The following SLC14A2 variants were observed in gnomAD, a reference collection of about 807,000 sequenced individuals.
SLC14A2 encodes the protein solute carrier family 14 member 2.
In SLC14A2, 91 loss-of-function variants were observed where a neutral mutation model predicts 104.6. The ratio of observed to expected loss-of-function variants is 0.87; its 90% CI spans 0.73 to 1.04. The LOEUF (loss-of-function observed/expected upper bound fraction) is 1.04. Ranked by LOEUF, SLC14A2 falls within the 50% of genes least tolerant of loss-of-function variation. The pLI is 0.00. For synonymous variants in SLC14A2, 476 were observed against 466.4 expected (o/e 1.02, Z -0.27); for missense variants, 1,189 against 1,156.0 (o/e 1.03, Z -0.41).
intron 2 of SLC14A2, among the ~76,000 whole-genome samples, chr18:45,598,839 A>G (rs1386844197): frequency 6.6e-6 from 1 of 152,218 alleles, no homozygotes; most frequent in Non-Finnish European, 1.5e-5. Flanking sequence ...AGCTGCCTTC[A>G]GGCAATAATT....
chr18:45,384,800 G>T (rs936061744), intron 1 of SLC14A2, among the ~76,000 whole-genome samples: 1 of 152,208 alleles, frequency 6.6e-6, no homozygotes, highest in African/African-American at 2.4e-5. Context: ...ATTGTTGTGG[G>T]GAGATGGGAA....
At position 45,282,864 on chromosome 18, in the gene SLC14A2, A is replaced by G. The variant is rs186015085; in HGVS notation, c.-125+69673A>G. ...TTTCTTCTCTTCCTTCTTTCCTTGTATCTTTCTCATTAACTTGTGCATTTG... is the reference window on the plus strand; with the variant it reads ...TTTCTTCTCTTCCTTCTTTCCTTGTGTCTTTCTCATTAACTTGTGCATTTG... On this transcript the variant is annotated intron_variant, in intron 1 of 20. Transcript: ENST00000586448. 7.2e-3 allele frequency among the ~76,000 whole-genome samples: 777 copies of G among 108,394 alleles called. 3 individuals are homozygous for G. Among genetic ancestry groups the G allele is most frequent in the South Asian group, 0.03 (100 of 3,304 alleles). 71.1% of individuals were successfully genotyped at this position (108,394 alleles called of 152,430 possible).
intron 2 of SLC14A2, among the ~76,000 whole-genome samples, chr18:45,608,340 C>T (rs9807568): frequency 0.68 from 103,331 of 152,154 alleles, 35,630 homozygotes; most frequent in East Asian, 0.85. Flanking sequence ...TGTTGATACC[C>T]ACTATATACA....
intron 2 of SLC14A2, among the ~76,000 whole-genome samples, chr18:45,506,219 C>G (rs1047214503): frequency 6.6e-6 from 1 of 152,250 alleles, no homozygotes; most frequent in East Asian, 1.9e-4. Context: ...CTCCCACTAG[C>G]CTTTGAGACC....
At chr18:45,590,896 CTTGCAGATGA>C (rs1316923611) in intron 2 of SLC14A2, among the ~76,000 whole-genome samples, 1 of 152,262 alleles carries the variant, frequency 6.6e-6, no homozygotes, top group Non-Finnish European at 1.5e-5. Context: ...TTATCCCCAT[CTTGCAGATGA>C]CAAAATTGAG....
intron 1 of SLC14A2, among the ~76,000 whole-genome samples, chr18:45,383,280 G>A (rs572580074): frequency 6.6e-5 from 10 of 152,268 alleles, no homozygotes; most frequent in South Asian, 2.1e-4. Flanking sequence ...TCAGTGATGC[G>A]CAGAAAATGG....
chr18:45,639,711 A>C, intron 6 of SLC14A2, 35 bp from the exon 7 acceptor site: 1 of 1,608,042 alleles, frequency 6.2e-7, no homozygotes, highest in Non-Finnish European at 8.5e-7. Context: ...ATTATTGTCC[A>C]TGCTCCAGTG....
At chr18:45,270,654 A>T (rs74524757) in intron 1 of SLC14A2, among the ~76,000 whole-genome samples, 1,988 of 152,284 alleles carry the variant, frequency 0.013, 47 homozygotes, top group African/African-American at 0.045. Flanking sequence ...GATCTCTATC[A>T]TAACAATAAC....
chr18:45,613,560 T>A (rs1018150925), upstream of SLC14A2, among the ~76,000 whole-genome samples: 21 of 152,298 alleles, frequency 1.4e-4, no homozygotes, highest in African/African-American at 4.6e-4. Context: ...ATATGAACAG[T>A]GAAGTCCAGG....
At chr18:45,425,865 T>A (rs1490381792) in intron 1 of SLC14A2, among the ~76,000 whole-genome samples, 1 of 151,126 alleles carries the variant, frequency 6.6e-6, no homozygotes, top group Non-Finnish European at 1.5e-5. Flanking sequence ...TCCTAGGGTA[T>A]TTTTTTTTAA....
intron 1 of SLC14A2, among the ~76,000 whole-genome samples, chr18:45,388,040 G>A (rs2085917878): frequency 1.4e-5 from 2 of 145,568 alleles, no homozygotes; most frequent in East Asian, 2.0e-4. Context: ...GTCCTGGATT[G>A]CCCTAAGCTC....
chr18:45,656,777 T>C (rs1458143606), intron 10 of SLC14A2, among the ~76,000 whole-genome samples: 3 of 152,156 alleles, frequency 2.0e-5, no homozygotes, highest in Non-Finnish European at 4.4e-5. Flanking sequence ...GTCTTCCCCA[T>C]GGAATAAGCC....
intron 1 of SLC14A2, among the ~76,000 whole-genome samples, chr18:45,463,826 G>T (rs1430476503): frequency 6.6e-6 from 1 of 152,156 alleles, no homozygotes; most frequent in South Asian, 2.1e-4. Flanking sequence ...CTTGGCAAAA[G>T]GCTCGTTGAA....
the SLC14A2 span, among the ~76,000 whole-genome samples, chr18:45,198,511 C>T: frequency 2.0e-5 from 3 of 152,100 alleles, no homozygotes; most frequent in African/African-American, 7.2e-5. Flanking sequence ...CTGTAGCTTG[C>T]TTCCCCCATG....
At chr18:45,327,812 A>T (rs1316420192) in intron 1 of SLC14A2, among the ~76,000 whole-genome samples, 1 of 152,138 alleles carries the variant, frequency 6.6e-6, no homozygotes, top group Non-Finnish European at 1.5e-5. Flanking sequence ...GGTGTGATGT[A>T]TATTTACCTA....
rs181187152 is a variant in SLC14A2 at position 45,523,335 on chromosome 18, G to A, written c.-35+40013G>A. On this transcript the variant is annotated intron_variant, in intron 2 of 20. Coordinates refer to the SLC14A2 transcript ENST00000586448. Reference sequence around the variant, plus strand: ...CACCAGGTTTTTTTTTTGTTTCTTTGTTTGTTTGTTTTGAGATGGAATCTC... The same window carrying A: ...CACCAGGTTTTTTTTTTGTTTCTTTATTTGTTTGTTTTGAGATGGAATCTC... Among the ~76,000 whole-genome samples, 124 of 150,788 alleles carry A rather than the reference G, an allele frequency of 8.2e-4. 1 individual carries two copies. The highest frequency in any genetic ancestry group is 2.9e-3 in the African/African-American group (117 of 41,048).
At chr18:45,455,699 G>C (rs1350955098) in intron 1 of SLC14A2, among the ~76,000 whole-genome samples, 3 of 152,024 alleles carry the variant, frequency 2.0e-5, no homozygotes, top group Non-Finnish European at 4.4e-5. Flanking sequence ...TGCATCTTCT[G>C]TTTTAGACAT....
chr18:45,445,492 C>G (rs575360152), intron 1 of SLC14A2, among the ~76,000 whole-genome samples: 3 of 152,076 alleles, frequency 2.0e-5, no homozygotes, highest in Non-Finnish European at 1.5e-5. Context: ...AACAAAGATG[C>G]CTACATTTGA....
chr18:45,488,821 A>G (rs1421181), intron 2 of SLC14A2, among the ~76,000 whole-genome samples: 26,338 of 152,104 alleles, frequency 0.17, 2,439 homozygotes, highest in African/African-American at 0.23. Flanking sequence ...AGGTACAAAG[A>G]CTGATTTGTT....
Sources: allele counts gnomAD v4.1 joint callset (sites outside exome capture counted in the v4.1 genomes callset), GRCh38; gene constraint gnomAD v4.1.1; transcripts MANE v1.5; gene names NCBI Gene and HGNC (gene_info 2026-07-23, HGNC 2026-07-21).